Variants in MLIP observed in about 807,000 individuals in gnomAD.
The protein encoded by MLIP is muscular LMNA-interacting protein.
MLIP carries 79 observed loss-of-function variants against 84.8 expected under a neutral mutation model. The ratio of observed to expected loss-of-function variants is 0.93; its 90% CI spans 0.78 to 1.12. MLIP has a LOEUF of 1.12. Ranked by LOEUF, MLIP falls within the 50% of genes most tolerant of loss-of-function variation. The pLI, the probability that MLIP is intolerant of heterozygous loss-of-function variation, is 0.00. For synonymous variants in MLIP, 504 were observed against 463.0 expected (o/e 1.09, Z -1.14); for missense variants, 1,257 against 1,160.6 (o/e 1.08, Z -1.21).
At chr6:54,251,380 G>A (rs186514842) in intron 12 of MLIP, among the ~76,000 whole-genome samples, 1 of 140,202 alleles carries the variant, frequency 7.1e-6, no homozygotes, top group Non-Finnish European at 1.5e-5. Context: ...TTGTAAATCA[G>A]GGATTAAAAA....
chr6:54,187,767 T>A lies in MLIP; in HGVS notation c.2545-2103T>A, dbSNP rs1467439906. On this transcript the variant is annotated intron_variant, in intron 9 of 13. Coordinates refer to ENST00000502396, the MANE Select transcript of MLIP (RefSeq NM_001281747.2). ...TCTGAAAAACACATCACTAGGTGAT[T>A]TCATCATTATGTGAGCATCAAAGTG... Among the ~76,000 whole-genome samples the A allele has an allele frequency of 2.0e-5, 3 of 152,114 alleles. No homozygotes were observed. The South Asian group carries it at 6.2e-4, about 32-fold the overall frequency.
chr6:54,147,699 TTGTG>T (rs985711461), intron 4 of MLIP, among the ~76,000 whole-genome samples: 2 of 152,056 alleles, frequency 1.3e-5, no homozygotes, highest in Non-Finnish European at 2.9e-5. Flanking sequence ...TTCTGAATGA[TTGTG>T]TGTGTGTCTG....
Position 54,143,364 on chromosome 6 carries a change from C to G in MLIP, c.2217+5078C>G, listed in dbSNP as rs371139283. Among the ~76,000 whole-genome samples, 4 of 152,120 alleles carry G rather than the reference C, an allele frequency of 2.6e-5. No homozygotes were observed. In the East Asian group the frequency reaches 5.8e-4, roughly 22 times the overall value. On this transcript the variant is annotated intron_variant, in intron 4 of 13. Coordinates refer to ENST00000502396, the MANE Select transcript of MLIP (RefSeq NM_001281747.2). ...GGGATTACAGTCACCTGCCACCACA[C>G]CCAGCTAAGTTTTGTATTTTTAGTA... is the stretch of plus-strand genomic sequence containing the variant.
chr6:54,087,366 A>G (rs1351314670), intron 1 of MLIP, among the ~76,000 whole-genome samples: 4 of 152,180 alleles, frequency 2.6e-5, no homozygotes, highest in African/African-American at 7.2e-5. Flanking sequence ...GTTTGTCTTT[A>G]TCTATTAATG....
At position 54,137,432 on chromosome 6, in the gene MLIP, G is replaced by T; in HGVS notation, c.1363G>T (p.Glu455Ter). ...TTCCACGCTCACACTTGACCAAAAA[G>T]AAAAGCAGACCCCACCCACGCCTAA... ...ASSTLTLDQK[E>*]KQTPPTPKKS... Residue 455 changes from glutamate to a stop codon, truncating the protein, a stop_gained, in exon 4 of 14, where the codon GAA (glutamate) becomes TAA (stop). Transcript: ENST00000502396. LOFTEE classifies it high-confidence loss of function. The T allele has an allele frequency of 6.5e-7, 1 of 1,535,898 alleles. No individual in the cohort carries two copies. Among genetic ancestry groups the T allele is most frequent in the Non-Finnish European group, 8.7e-7 (1 of 1,146,844 alleles).
intron 5 of MLIP, among the ~76,000 whole-genome samples, chr6:54,156,767 C>T (rs1406767922): frequency 2.0e-5 from 3 of 152,028 alleles, no homozygotes; most frequent in Non-Finnish European, 2.9e-5. Flanking sequence ...CACTAAGCAC[C>T]TATCATATTC....
At chr6:54,259,344 T>TA (rs1783231057) in intron 13 of MLIP, among the ~76,000 whole-genome samples, 3 of 151,838 alleles carry the variant, frequency 2.0e-5, no homozygotes, top group South Asian at 2.1e-4. Context: ...CAGATGAATA[T>TA]AAAAAATAGG....
chr6:54,225,512 A>T (rs943683859), intron 11 of MLIP, among the ~76,000 whole-genome samples: 3 of 152,226 alleles, frequency 2.0e-5, no homozygotes, highest in African/African-American at 7.2e-5. Context: ...AGACTATAGT[A>T]ATGCAAGCAT....
Position 54,169,530 on chromosome 6 carries a change from T to C in MLIP, c.2502T>C (p.Thr834=), listed in dbSNP as rs779012263. 81 of 1,588,124 alleles carry C rather than the reference T, an allele frequency of 5.1e-5. 1 individual carries two copies. The South Asian group carries it at 6.6e-4, about 13-fold the overall frequency. Residue 834 remains threonine (T), a splice_region_variant and synonymous_variant, in exon 9 of 14, where the codon ACT becomes ACC. Coordinates refer to ENST00000502396, the MANE Select transcript of MLIP (RefSeq NM_001281747.2). ...TAATTGTTTTTATTTTCATACAGAC[T>C]CCTACAACTCTTCCAAGAGCAGCTG... is the stretch of plus-strand genomic sequence containing the variant. ...KTLLGSDTVK[T]PTTLPRAAGR...
At chr6:54,052,229 T>C (rs1444181669) in intron 1 of MLIP, among the ~76,000 whole-genome samples, 1 of 152,142 alleles carries the variant, frequency 6.6e-6, no homozygotes, top group Non-Finnish European at 1.5e-5. Context: ...TATGATCCTC[T>C]TAGGCTCAGA....
At chr6:54,060,035 A>G (rs1262052408) in intron 1 of MLIP, among the ~76,000 whole-genome samples, 2 of 152,354 alleles carry the variant, frequency 1.3e-5, no homozygotes, top group South Asian at 2.1e-4. Flanking sequence ...TTTTTAAAAT[A>G]GTAAATTTAA....
chr6:54,151,479 A>G (rs1773439428), intron 5 of MLIP, among the ~76,000 whole-genome samples: 3 of 152,168 alleles, frequency 2.0e-5, no homozygotes, highest in Admixed American at 2.0e-4. Flanking sequence ...AATTAGGACT[A>G]TAATCTTGAG....
intron 3 of MLIP, among the ~76,000 whole-genome samples, chr6:54,132,832 G>A (rs1206917762): frequency 2.6e-5 from 4 of 152,142 alleles, no homozygotes; most frequent in Non-Finnish European, 5.9e-5. Flanking sequence ...GGGGAAACCA[G>A]CCCCACTCAG....
intron 13 of MLIP, among the ~76,000 whole-genome samples, chr6:54,258,084 T>C (rs1260177039): frequency 6.6e-6 from 1 of 151,952 alleles, no homozygotes; most frequent in Non-Finnish European, 1.5e-5. Context: ...TCAGATAAAG[T>C]GGAAAATAGG....
intron 1 of MLIP, among the ~76,000 whole-genome samples, chr6:54,027,463 G>T (rs1459177876): frequency 6.6e-6 from 1 of 150,970 alleles, no homozygotes; most frequent in Non-Finnish European, 1.5e-5. Flanking sequence ...TTTTAAAAAT[G>T]GTTTCTTTTA....
intron 4 of MLIP, among the ~76,000 whole-genome samples, chr6:54,144,467 G>A (rs1276446161): frequency 1.3e-5 from 2 of 152,172 alleles, no homozygotes; most frequent in African/African-American, 4.8e-5. Flanking sequence ...ATGGATTGAG[G>A]GTTTGGGGAT....
At chr6:54,216,065 C>T in intron 11 of MLIP, 1 of 615,056 alleles carries the variant, frequency 1.6e-6, no homozygotes, top group Non-Finnish European at 2.0e-6. Flanking sequence ...ATTCATTTAT[C>T]CATCAACAGA....
At chr6:54,227,909 C>T (rs773712910) in intron 11 of MLIP, among the ~76,000 whole-genome samples, 14 of 152,048 alleles carry the variant, frequency 9.2e-5, no homozygotes, top group Admixed American at 6.5e-5. Context: ...CCAGGCCGGG[C>T]GCAGTGGCTC....
At chr6:54,133,665 A>T (rs1046552289) in intron 3 of MLIP, among the ~76,000 whole-genome samples, 4 of 152,220 alleles carry the variant, frequency 2.6e-5, no homozygotes, top group African/African-American at 9.6e-5. Context: ...GTAAAAATAC[A>T]AGGCAGTTCT....
Sources: gnomAD v4.1 joint callset for allele counts (sites outside exome capture counted in the v4.1 genomes callset) on GRCh38, gnomAD v4.1.1 for gene constraint, MANE v1.5 for transcripts, NCBI Gene and HGNC (gene_info 2026-07-23, HGNC 2026-07-21) for gene names.